Variants in CLDN14 observed in about 807,000 individuals in gnomAD.
The protein encoded by CLDN14 is claudin-14.
Under a neutral mutation model 2.1 loss-of-function variants are expected in CLDN14, and 2 were observed. That is an observed-to-expected ratio of 0.96 (90% confidence interval 0.39 to 3.01). The LOEUF (loss-of-function observed/expected upper bound fraction) is 3.01. CLDN14 is among the 30% of genes most tolerant of loss of function. CLDN14 has a pLI of 0.09. For missense variants in CLDN14, 298 were observed against 328.0 expected (o/e 0.91, Z 0.71); for synonymous variants, 136 against 154.4 (o/e 0.88, Z 0.88).
At position 36,498,256 on chromosome 21, in the gene CLDN14, C is replaced by T. The variant is rs772629350; in HGVS notation, c.-82+12107G>A. On this transcript the variant is annotated intron_variant, in intron 2 of 2. Transcript: ENST00000342108. The surrounding 1 kb of genome is among the most constrained non-coding windows in gnomAD (Gnocchi z 4.9). Reference sequence around the variant, plus strand: ...CCTCAGGCGGTCCACCTGCCTTGGCCTCCCAAAGTGCTGGGATTATAGACA... The same window carrying T: ...CCTCAGGCGGTCCACCTGCCTTGGCTTCCCAAAGTGCTGGGATTATAGACA... Among the ~76,000 whole-genome samples, 1 of 152,144 alleles carries T rather than the reference C, an allele frequency of 6.6e-6. No individual in the cohort carries two copies. Among genetic ancestry groups the T allele is most frequent in the Admixed American group, 6.6e-5 (1 of 15,266 alleles).
intron 2 of CLDN14, among the ~76,000 whole-genome samples, chr21:36,503,899 G>A (rs2087109434): frequency 6.6e-6 from 1 of 151,794 alleles, no homozygotes; most frequent in Admixed American, 6.6e-5. Context: ...GTTACTGAAT[G>A]AATGGCATCC....
intron 1 of CLDN14, among the ~76,000 whole-genome samples, chr21:36,525,100 C>A (rs962788927): frequency 2.0e-5 from 3 of 152,190 alleles, no homozygotes; most frequent in Admixed American, 2.0e-4. Context: ...CCAAGGCCCA[C>A]CTCAGCAAGC....
At chr21:36,539,301 G>C (rs2087458624) in intron 1 of CLDN14, among the ~76,000 whole-genome samples, 1 of 152,182 alleles carries the variant, frequency 6.6e-6, no homozygotes, top group Non-Finnish European at 1.5e-5. Flanking sequence ...TACGTGTGTG[G>C]TGTGTGTGCA....
At position 36,499,072 on chromosome 21, in the gene CLDN14, G is replaced by A. The variant is rs147385815; in HGVS notation, c.-82+11291C>T. ...TATGACAGAAGGGTAACCTTTCTGGGGTTGCATCTTAGGAAATTTCATTGA... is the reference window on the plus strand; with the variant it reads ...TATGACAGAAGGGTAACCTTTCTGGAGTTGCATCTTAGGAAATTTCATTGA... On this transcript the variant is annotated intron_variant, in intron 2 of 2. Transcript: ENST00000342108. The surrounding 1 kb of genome is among the most constrained non-coding windows in gnomAD (Gnocchi z 4.7). Among the ~76,000 whole-genome samples, 655 of 152,212 alleles carry A rather than the reference G, an allele frequency of 4.3e-3. 9 individuals are homozygous for A. The highest frequency in any genetic ancestry group is 0.015 in the African/African-American group (618 of 41,530).
intron 1 of CLDN14, among the ~76,000 whole-genome samples, chr21:36,471,529 T>A (rs898386136): frequency 2.6e-5 from 4 of 152,150 alleles, no homozygotes; most frequent in African/African-American, 9.7e-5. Flanking sequence ...GGTGTCTGGT[T>A]TTCTTAAGTC....
In CLDN14 at chr21:36,544,648, G is replaced by A. The variant is rs2082824997; in HGVS notation, c.-220+31763C>T. Among the ~76,000 whole-genome samples, 1 of 152,174 alleles carries A rather than the reference G, an allele frequency of 6.6e-6. No homozygotes were observed. Among genetic ancestry groups the A allele is most frequent in the Non-Finnish European group, 1.5e-5 (1 of 68,030 alleles). On this transcript the variant is annotated intron_variant, in intron 1 of 2. Transcript: ENST00000342108. This position sits in a 1 kb window ranked among gnomAD's most constrained non-coding sequence, Gnocchi z 4.1. ...ATTTCTCTGTATTTTATCCAAATAT[G>A]CCGTGGACTTTGAAATGAACTCTTT...
chr21:36,477,507 GTT>G (rs1429482899), intron 1 of CLDN14: 5 of 152,200 alleles, frequency 3.3e-5, no homozygotes, highest in Non-Finnish European at 7.3e-5. Flanking sequence ...CTAAATCTCA[GTT>G]TTTGTTTCTT....
chr21:36,535,164 C>A (rs986464816), intron 1 of CLDN14, among the ~76,000 whole-genome samples: 2 of 151,994 alleles, frequency 1.3e-5, no homozygotes, highest in East Asian at 1.9e-4. Flanking sequence ...GCTGAGGGGG[C>A]GGATCACCTG....
At chr21:36,535,987 T>A (rs926598834) in intron 1 of CLDN14, among the ~76,000 whole-genome samples, 2 of 152,210 alleles carry the variant, frequency 1.3e-5, no homozygotes, top group Non-Finnish European at 2.9e-5. Flanking sequence ...CCATCCTCAC[T>A]GCAACACCAT....
chr21:36,478,139 A>G (rs2086799143), intron 1 of CLDN14, among the ~76,000 whole-genome samples: 1 of 152,250 alleles, frequency 6.6e-6, no homozygotes, highest in Non-Finnish European at 1.5e-5. Flanking sequence ...AACTAACTGG[A>G]AAACAGGAAA....
At chr21:36,572,682 C>G (rs2146530619) in intron 1 of CLDN14, among the ~76,000 whole-genome samples, 1 of 152,248 alleles carries the variant, frequency 6.6e-6, no homozygotes, top group South Asian at 2.1e-4. Flanking sequence ...TTGGAAGACC[C>G]TGGTCAAAAT....
At chr21:36,477,684 G>A in intron 1 of CLDN14, 1 of 152,220 alleles carries the variant, frequency 6.6e-6, no homozygotes, top group Admixed American at 6.5e-5. Context: ...TGGACAAAGT[G>A]AGTGAATGAG....
At chr21:36,479,437 A>G (rs951642370) in intron 1 of CLDN14, 58 bp downstream of exon 1, 1 of 152,294 alleles carries the variant, frequency 6.6e-6, no homozygotes, top group Non-Finnish European at 1.5e-5. Flanking sequence ...CTTCCAAAAC[A>G]GATGACTGTC....
chr21:36,495,205 T>C (rs1970858383), intron 2 of CLDN14, among the ~76,000 whole-genome samples: 1 of 152,172 alleles, frequency 6.6e-6, no homozygotes, highest in Non-Finnish European at 1.5e-5. Flanking sequence ...GGTGGACACC[T>C]GTAACCCCAG....
intron 2 of CLDN14, among the ~76,000 whole-genome samples, chr21:36,508,189 C>A (rs1029578337): frequency 6.6e-6 from 1 of 152,158 alleles, no homozygotes; most frequent in Non-Finnish European, 1.5e-5. Context: ...ATCTTCCTTT[C>A]TGCCACTCAT....
rs730265 is a variant in CLDN14 at position 36,499,588 on chromosome 21, G to A, written c.-82+10775C>T. Among the ~76,000 whole-genome samples, 26,488 of 152,018 alleles carry A rather than the reference G, an allele frequency of 0.17. 2,437 individuals are homozygous for A. The highest frequency in any genetic ancestry group is 0.21 in the African/African-American group (8,614 of 41,448). Reference sequence around the variant, plus strand: ...ACCAGGGCCCCAACCCAGACCTACCGAATCAGAATTTCAGGAGGGGAGGTT... The same window carrying A: ...ACCAGGGCCCCAACCCAGACCTACCAAATCAGAATTTCAGGAGGGGAGGTT... On this transcript the variant is annotated intron_variant, in intron 2 of 2. Transcript: ENST00000342108. This position sits in a 1 kb window ranked among gnomAD's most constrained non-coding sequence, Gnocchi z 4.7.
chr21:36,527,237 T>C (rs141300823), intron 1 of CLDN14, among the ~76,000 whole-genome samples: 1 of 152,334 alleles, frequency 6.6e-6, no homozygotes, highest in East Asian at 1.9e-4. Flanking sequence ...AATTGCCAAC[T>C]TCTCACCACC....
chr21:36,511,793 G>C (rs2146485204), intron 1 of CLDN14, among the ~76,000 whole-genome samples: 1 of 152,258 alleles, frequency 6.6e-6, no homozygotes, highest in South Asian at 2.1e-4. Flanking sequence ...TGCCTAGAGA[G>C]TGGTTACCCT....
At chr21:36,520,502 C>A (rs888697915) in intron 1 of CLDN14, among the ~76,000 whole-genome samples, 3 of 152,168 alleles carry the variant, frequency 2.0e-5, no homozygotes, top group Non-Finnish European at 4.4e-5. Context: ...TAAGGGGGAA[C>A]CCCTTTCACT....
Sources: allele counts gnomAD v4.1 joint callset (sites outside exome capture counted in the v4.1 genomes callset), GRCh38; gene constraint gnomAD v4.1.1; non-coding constraint Gnocchi (gnomAD v3.1); transcripts MANE v1.5; gene names NCBI Gene and HGNC (gene_info 2026-07-23, HGNC 2026-07-21).